GPHN: variants seen among roughly 807,000 people sequenced by gnomAD.
GPHN encodes gephyrin.
Under a neutral mutation model 95.5 loss-of-function variants are expected in GPHN, and 17 were observed. That is an observed-to-expected ratio of 0.18 (90% CI 0.12 to 0.27). GPHN has a LOEUF of 0.27. GPHN is among the 10% of genes least tolerant of loss of function. The pLI, the probability that GPHN is intolerant of heterozygous loss-of-function variation, is 1.00. For synonymous variants in GPHN, 320 were observed against 322.5 expected (o/e 0.99, Z 0.08); for missense variants, 660 against 978.1 (o/e 0.67, Z 4.34).
At chr14:67,172,929 G>A (rs2082682991) in intron 21 of GPHN, among the ~76,000 whole-genome samples, 1 of 152,122 alleles carries the variant, frequency 6.6e-6, no homozygotes, top group African/African-American at 2.4e-5. Flanking sequence ...AAGCCCTATT[G>A]ACTCAGGTTC....
chr14:66,907,397 T>A (rs1419294354), intron 5 of GPHN, among the ~76,000 whole-genome samples: 1 of 152,180 alleles, frequency 6.6e-6, no homozygotes, highest in Non-Finnish European at 1.5e-5. Context: ...AGTAAAATGA[T>A]CAGTGTTTGC....
At chr14:67,302,726 T>C in the GPHN span, among the ~76,000 whole-genome samples, 1 of 152,154 alleles carries the variant, frequency 6.6e-6, no homozygotes, top group Non-Finnish European at 1.5e-5. Context: ...TTGTTAGCAG[T>C]TTTATTTTTG....
intron 5 of GPHN, among the ~76,000 whole-genome samples, chr14:66,905,558 C>CT (rs1336793641): frequency 6.6e-6 from 1 of 151,952 alleles, no homozygotes; most frequent in Non-Finnish European, 1.5e-5. Flanking sequence ...GCTTGTTTCG[C>CT]TTTTTTGTGT....
At chr14:66,778,444 CATT>C (rs1039758927) in intron 3 of GPHN, among the ~76,000 whole-genome samples, 4 of 152,110 alleles carry the variant, frequency 2.6e-5, no homozygotes, top group Non-Finnish European at 4.4e-5. Context: ...AGCATTATGA[CATT>C]ATTCTGTCTC....
intron 2 of GPHN, among the ~76,000 whole-genome samples, chr14:66,765,823 A>G (rs1415992427): frequency 6.6e-6 from 1 of 152,230 alleles, no homozygotes; most frequent in Non-Finnish European, 1.5e-5. Context: ...TTATCTACAT[A>G]TAGTCATCTA....
the GPHN span, among the ~76,000 whole-genome samples, chr14:67,549,747 A>T: frequency 6.6e-6 from 1 of 152,134 alleles, no homozygotes; most frequent in East Asian, 1.9e-4. Context: ...TTTGTTTTGC[A>T]TTCTGTGGCC....
At chr14:67,666,465 A>G in the GPHN span, among the ~76,000 whole-genome samples, 2 of 152,220 alleles carry the variant, frequency 1.3e-5, no homozygotes, top group Non-Finnish European at 2.9e-5. Context: ...ACTTCACTAC[A>G]TTTATGAGAT....
intron 2 of GPHN, among the ~76,000 whole-genome samples, chr14:66,742,832 G>GCTTA (rs1305899325): frequency 2.0e-5 from 3 of 152,148 alleles, no homozygotes; most frequent in Non-Finnish European, 2.9e-5. Flanking sequence ...CGCGATCTCT[G>GCTTA]CTTACTGCAA....
chr14:66,532,334 T>C (rs778808830), intron 1 of GPHN, among the ~76,000 whole-genome samples: 4 of 152,214 alleles, frequency 2.6e-5, no homozygotes, highest in Non-Finnish European at 4.4e-5. Flanking sequence ...GGTCTTTCTA[T>C]ATGGCTGATT....
intron 2 of GPHN, among the ~76,000 whole-genome samples, chr14:66,711,066 G>A (rs950302755): frequency 6.6e-5 from 10 of 151,992 alleles, no homozygotes; most frequent in African/African-American, 2.4e-4. Context: ...TTTTCCATAG[G>A]TTATTGGGGG....
At chr14:66,920,449 T>C (rs1202889670) in intron 6 of GPHN, among the ~76,000 whole-genome samples, 1 of 152,060 alleles carries the variant, frequency 6.6e-6, no homozygotes, top group African/African-American at 2.4e-5. Flanking sequence ...GCTTCTTTCC[T>C]ATCTTTCCTG....
At chr14:67,256,597 G>C in the GPHN span, among the ~76,000 whole-genome samples, 8 of 151,878 alleles carry the variant, frequency 5.3e-5, no homozygotes, top group African/African-American at 1.9e-4. Context: ...GCCCAGGCTG[G>C]AGTGCAGTGG....
the GPHN span, chr14:67,397,786 A>AGGATGAACC: frequency 6.2e-7 from 1 of 1,613,234 alleles, no homozygotes. Context: ...GTTCTGCCGA[A>AGGATGAACC]GGATGAACCA....
the GPHN span, chr14:67,657,203 G>A: frequency 3.9e-5 from 6 of 152,148 alleles, no homozygotes; most frequent in Non-Finnish European, 8.8e-5. Context: ...GAGTGGTATT[G>A]CCTAGATGAC....
intron 2 of GPHN, among the ~76,000 whole-genome samples, chr14:66,764,906 A>AT (rs571133912): frequency 1.6e-4 from 25 of 152,278 alleles, no homozygotes; most frequent in African/African-American, 4.3e-4. Flanking sequence ...AGTCATTATT[A>AT]TTTTAAAAAA....
intron 19 of GPHN, among the ~76,000 whole-genome samples, 159 bp from the exon 20 acceptor site, chr14:67,165,003 G>A (rs1236659870): frequency 2.6e-5 from 4 of 152,054 alleles, no homozygotes; most frequent in Non-Finnish European, 4.4e-5. Context: ...ACTTATTTAA[G>A]TGTCTGTGGA....
At chr14:66,529,898 C>T (rs2058844579) in intron 1 of GPHN, among the ~76,000 whole-genome samples, 1 of 152,198 alleles carries the variant, frequency 6.6e-6, no homozygotes, top group African/African-American at 2.4e-5. Flanking sequence ...TATGAGGTGT[C>T]TGTCGACCCC....
intron 9 of GPHN, among the ~76,000 whole-genome samples, chr14:66,976,595 C>T (rs1405584119): frequency 1.3e-5 from 2 of 152,130 alleles, no homozygotes; most frequent in Non-Finnish European, 2.9e-5. Flanking sequence ...TCTCCCTACT[C>T]ATTCTACTTT....
intron 5 of GPHN, among the ~76,000 whole-genome samples, chr14:66,886,414 G>GTAAATCTACATAT (rs2064191982): frequency 1.3e-5 from 2 of 152,066 alleles, no homozygotes. Flanking sequence ...TCATATTGTA[G>GTAAATCTACATAT]GCTAGTAAAT....
Sources: gnomAD v4.1 joint callset for allele counts (sites outside exome capture counted in the v4.1 genomes callset) on GRCh38, gnomAD v4.1.1 for gene constraint, MANE v1.5 for transcripts, NCBI Gene and HGNC (gene_info 2026-07-23, HGNC 2026-07-21) for gene names.